CHRNB1: variants seen among roughly 807,000 people sequenced by gnomAD.
The protein encoded by CHRNB1 is cholinergic receptor nicotinic beta 1 subunit.
A neutral mutation model predicts 53.8 loss-of-function variants in CHRNB1; 47 were observed. The observed-to-expected ratio is 0.87, with a 90% CI of 0.69 to 1.11. The LOEUF (loss-of-function observed/expected upper bound fraction) is 1.11, where lower values mean the gene tolerates loss of function less well. Among genes scored for constraint, CHRNB1 ranks in the 50% most tolerant of loss-of-function variants. CHRNB1 has a pLI of 0.00. For missense variants in CHRNB1, 605 were observed against 654.9 expected (o/e 0.92, Z 0.83); for synonymous variants, 259 against 263.5 (o/e 0.98, Z 0.16).
chr17:7,457,387 T>C lies in CHRNB1; in HGVS notation c.*664T>C, dbSNP rs576011756. The C allele has an allele frequency of 6.6e-6, 1 of 152,528 alleles. No homozygotes were observed. The highest frequency in any genetic ancestry group is 2.4e-5 in the African/African-American group (1 of 41,544). 9.4% of individuals were successfully genotyped at this position (152,528 alleles called of 1,614,324 possible). A position where few individuals can be genotyped will look rare whatever the true frequency, so the allele number is the denominator to read the frequency against. On this transcript the variant is annotated 3_prime_UTR_variant, in exon 11 of 11. Transcript: ENST00000306071. The stretch of plus-strand genomic sequence containing the variant: ...CGCACAGGTGCTGACCTATAGTAAG[T>C]GCTTAACATTTGTTGAATAGGGGAA...
At chr17:7,446,046 C>CAA (rs780407344) in intron 2 of CHRNB1, 23 bp from the exon 3 acceptor site, 7 of 1,612,606 alleles carry the variant, frequency 4.3e-6, no homozygotes, top group Non-Finnish European at 5.9e-6. Flanking sequence ...TTCACCTTTA[C>CAA]GCCTTAAATT....
At chr17:7,448,382 G>A (rs903259093) in intron 6 of CHRNB1, among the ~76,000 whole-genome samples, 197 bp from the exon 7 acceptor site, 1 of 152,246 alleles carries the variant, frequency 6.6e-6, no homozygotes, top group South Asian at 2.1e-4. Flanking sequence ...GCAAAACTCT[G>A]TCTCAAAATA....
rs372649805 is a variant in CHRNB1, at chr17:7,455,906, G to T, written c.1330G>T (p.Ala444Ser). Reference sequence around the variant, plus strand: ...GGTCGTCTCCTCTATCAGCTACATCGCTCGACAGCTGCAGGAACAGGAGGA... The same window carrying T: ...GGTCGTCTCCTCTATCAGCTACATCTCTCGACAGCTGCAGGAACAGGAGGA... ...REVVSSISYI[A>S]RQLQEQEDHD... Residue 444 changes from alanine (A) to serine (S), a missense_variant, in exon 10 of 11, where the codon GCT becomes TCT. Ala to Ser is a moderately conservative substitution (Grantham distance 99). Coordinates refer to ENST00000306071, the MANE Select transcript of CHRNB1 (RefSeq NM_000747.3). 2 of 1,614,086 alleles carry T rather than the reference G, an allele frequency of 1.2e-6. No homozygotes were observed. The highest frequency in any genetic ancestry group is 1.7e-6 in the Non-Finnish European group (2 of 1,180,026).
Position 7,454,326 on chromosome 17 carries a change from C to T in CHRNB1, c.850C>T (p.Leu284=), listed in dbSNP as rs989527059. The T allele has an allele frequency of 3.7e-6, 6 of 1,614,182 alleles. No homozygotes were observed. The highest frequency in any genetic ancestry group is 5.1e-6 in the Non-Finnish European group (6 of 1,180,030). ...GAAGATGGGGCTCTCAATCTTTGCC[C>T]TGCTGACCCTTACTGTGTTCCTGCT... is the stretch of plus-strand genomic sequence containing the variant. ...GEKMGLSIFA[L]LTLTVFLLLL... The change falls in exon 8 of 11, where the codon CTG becomes TTG. Residue 284 remains leucine, a synonymous_variant. Coordinates refer to ENST00000306071, the MANE Select transcript of CHRNB1 (RefSeq NM_000747.3).
rs774348522 is a variant in CHRNB1, at chr17:7,447,190, C to CA, written c.462+42dup. ...ACATTGGAAGCTGAAGGAGCTCTTA[C>CA]AAATCCTCCCTTTCCTTAGACATCC... On this transcript the variant is annotated intron_variant, in intron 5 of 10. Coordinates refer to ENST00000306071, the MANE Select transcript of CHRNB1 (RefSeq NM_000747.3). 14 of 1,532,806 alleles carry CA rather than the reference C, an allele frequency of 9.1e-6. No homozygotes were observed. The African/African-American group carries it at 1.9e-4, about 21-fold the overall frequency. The allele number at this position is 1,532,806 out of a possible 1,614,324, so 95.0% of individuals were successfully genotyped here. A position where few individuals can be genotyped will look rare whatever the true frequency, so the allele number is the denominator to read the frequency against.
Position 7,456,049 on chromosome 17 carries a change from C to CTTT in CHRNB1, c.1365+129_1365+131dup, listed in dbSNP as rs528936191. 0.041 allele frequency: 21,249 copies of CTTT among 516,126 alleles called. 1,050 individuals carry two copies. Among genetic ancestry groups the CTTT allele is most frequent in the African/African-American group, 0.11 (3,095 of 28,862 alleles). 32.0% of individuals were successfully genotyped at this position (516,126 alleles called of 1,614,324 possible). A position where few individuals can be genotyped will look rare whatever the true frequency, so the allele number is the denominator to read the frequency against. The stretch of plus-strand genomic sequence containing the variant: ...TTTTTTTTGTGTGGTTTTTTTTTGG[C>CTTT]TTTTTTTTTTTTTTTTTTTTTTTGA... On this transcript the variant is annotated intron_variant, in intron 10 of 10. Coordinates refer to ENST00000306071, the MANE Select transcript of CHRNB1 (RefSeq NM_000747.3).
intron 6 of CHRNB1, 127 bp downstream of exon 6, chr17:7,447,777 A>G: frequency 1.7e-6 from 2 of 1,174,834 alleles, no homozygotes; most frequent in Non-Finnish European, 2.5e-6. Flanking sequence ...GGCTATCTAC[A>G]TTTTAAAAGT....
Position 7,445,635 on chromosome 17 carries a change from G to C in CHRNB1, c.198+226G>C. On this transcript the variant is annotated intron_variant, in intron 2 of 10. Coordinates refer to ENST00000306071, the MANE Select transcript of CHRNB1 (RefSeq NM_000747.3). This position sits in a 1 kb window ranked among gnomAD's most constrained non-coding sequence, Gnocchi z 5.7. ...ACTGGGTAGGGTGAAGGACGGACCT[G>C]TGATCGGACCTTAAAGTGGGGCTGG... 1 of 1,432,908 alleles carries C rather than the reference G, an allele frequency of 7.0e-7. No homozygotes were observed. 88.8% of individuals were successfully genotyped at this position (1,432,908 alleles called of 1,614,324 possible).
At chr17:7,453,961 C>T (rs1042586067) in intron 7 of CHRNB1, among the ~76,000 whole-genome samples, 5 of 151,946 alleles carry the variant, frequency 3.3e-5, no homozygotes, top group East Asian at 1.9e-4. Context: ...CTCAGGAGGC[C>T]GAGGTGGGAA....
chr17:7,450,016 C>A (rs536967892), intron 7 of CHRNB1, among the ~76,000 whole-genome samples: 1 of 149,166 alleles, frequency 6.7e-6, no homozygotes, highest in Non-Finnish European at 1.5e-5. Flanking sequence ...TGAACTCCAG[C>A]CTGGGAGACA....
At chr17:7,454,198 A>C (rs1908988142) in intron 7 of CHRNB1, 99 bp from the exon 8 acceptor site, 1 of 1,064,248 alleles carries the variant, frequency 9.4e-7, no homozygotes, top group Admixed American at 1.8e-5. Flanking sequence ...GGCTGTAGAA[A>C]TCTGTCTTTG....
At chr17:7,450,086 T>C (rs2150840219) in intron 7 of CHRNB1, among the ~76,000 whole-genome samples, 1 of 141,328 alleles carries the variant, frequency 7.1e-6, no homozygotes, top group South Asian at 2.3e-4. Flanking sequence ...TAAATAATAG[T>C]AATAGTCAAC....
chr17:7,456,140 C>G (rs950681841), intron 10 of CHRNB1, among the ~76,000 whole-genome samples, 199 bp downstream of exon 10: 1 of 150,376 alleles, frequency 6.6e-6, no homozygotes, highest in Non-Finnish European at 1.5e-5. Context: ...CTGCAACCTC[C>G]GCCTACGGGT....
intron 7 of CHRNB1, among the ~76,000 whole-genome samples, chr17:7,449,811 G>A (rs1298628571): frequency 2.0e-5 from 3 of 151,930 alleles, no homozygotes; most frequent in Admixed American, 6.6e-5. Flanking sequence ...TTGGGAGGCC[G>A]AGGTGGGTGG....
In CHRNB1 at chr17:7,447,098, G is replaced by A. The variant is rs555518291; in HGVS notation, c.409G>A (p.Gly137Ser). 4 of 1,614,138 alleles carry A rather than the reference G, an allele frequency of 2.5e-6. No homozygotes were observed. Among genetic ancestry groups the A allele is most frequent in the Non-Finnish European group, 3.4e-6 (4 of 1,180,020 alleles). Residue 137 changes from glycine (G) to serine (S), a missense_variant, in exon 5 of 11, where the codon GGC (glycine) becomes AGC (serine). Physicochemically the swap from Gly to Ser is moderately conservative, Grantham distance 56 (BLOSUM62 0). Transcript: ENST00000306071. The part of the protein sequence containing the change: ...LDISVVVSSD[G>S]SVRWQPPGIY... Reference sequence around the variant, plus strand: ...CATTAGCGTCGTGGTGTCCTCCGACGGCTCCGTGCGTTGGCAACCCCCGGG... The same window carrying A: ...CATTAGCGTCGTGGTGTCCTCCGACAGCTCCGTGCGTTGGCAACCCCCGGG...
chr17:7,447,022 G>A, intron 4 of CHRNB1, 21 bp from the exon 5 acceptor site: 3 of 1,612,916 alleles, frequency 1.9e-6, no homozygotes, highest in Non-Finnish European at 2.5e-6. Flanking sequence ...CCTGATCCCT[G>A]ATGAGATCCC....
Position 7,447,146 on chromosome 17 carries a change from A to G in CHRNB1, c.457A>G (p.Ile153Val), listed in dbSNP as rs2150838427. The stretch of plus-strand genomic sequence containing the variant: ...GGGCATCTATCGCAGCAGCTGCAGC[A>G]TCCAGGTTTCCGGCCTCCACATTGG... ...PPGIYRSSCS[I>V]QVTYFPFDWQ... The change falls in exon 5 of 11, where the codon ATC becomes GTC. Residue 153 changes from isoleucine (I) to valine (V), a missense_variant. Coordinates refer to ENST00000306071, the MANE Select transcript of CHRNB1 (RefSeq NM_000747.3). 4 of 1,613,676 alleles carry G rather than the reference A, an allele frequency of 2.5e-6. No individual in the cohort carries two copies. Among genetic ancestry groups the G allele is most frequent in the Non-Finnish European group, 3.4e-6 (4 of 1,179,718 alleles).
intron 5 of CHRNB1, 35 bp from the exon 6 acceptor site, chr17:7,447,468 C>A (rs770632346): frequency 3.7e-6 from 6 of 1,613,818 alleles, no homozygotes; most frequent in Non-Finnish European, 5.1e-6. Context: ...CTGACTGGTT[C>A]TCTGGCAGCT....
In CHRNB1 at chr17:7,447,509, T is replaced by A; in HGVS notation, c.469T>A (p.Tyr157Asn). The change falls in exon 6 of 11, where the codon TAC (tyrosine) becomes AAC (asparagine). Residue 157 changes from tyrosine to asparagine, a missense_variant. Tyr to Asn is a moderately radical substitution (Grantham distance 143, BLOSUM62 -2). Coordinates refer to ENST00000306071, the MANE Select transcript of CHRNB1 (RefSeq NM_000747.3). The stretch of plus-strand genomic sequence containing the variant: ...GACTCTCTCCTCCATCCAGGTCACC[T>A]ACTTCCCCTTCGACTGGCAGAATTG... ...YRSSCSIQVT[Y>N]FPFDWQNCTM... The A allele has an allele frequency of 6.2e-7, 1 of 1,614,184 alleles. No homozygotes were observed. Among genetic ancestry groups the A allele is most frequent in the Non-Finnish European group, 8.5e-7 (1 of 1,180,030 alleles).
Sources: gnomAD v4.1 joint callset for allele counts (sites outside exome capture counted in the v4.1 genomes callset) on GRCh38, gnomAD v4.1.1 for gene constraint, Gnocchi (gnomAD v3.1) non-coding constraint, MANE v1.5 for transcripts, NCBI Gene and HGNC (gene_info 2026-07-23, HGNC 2026-07-21) for gene names.